Variants in AFF3 observed in about 807,000 individuals in gnomAD.
AFF3 encodes the protein ALF transcription elongation factor 3.
AFF3 carries 32 observed loss-of-function variants against 129.7 expected under a neutral mutation model. The ratio of observed to expected loss-of-function variants is 0.25; its 90% CI spans 0.19 to 0.33. AFF3 has a LOEUF of 0.33. Among genes scored for constraint, AFF3 ranks in the 10% least tolerant of loss-of-function variants. The probability of loss-of-function intolerance (pLI) is 1.00; values close to 1 mark genes in which losing one functional copy is unlikely to be tolerated. For synonymous variants in AFF3, 644 were observed against 635.4 expected, an observed-to-expected ratio of 1.01 and a Z score of -0.20; for missense variants, 1,373 against 1,592.0, an observed-to-expected ratio of 0.86 and a Z score of 2.34.
chr2:99,576,399 C>G (rs1278327609), intron 18 of AFF3, among the ~76,000 whole-genome samples: 1 of 151,470 alleles, frequency 6.6e-6, no homozygotes, highest in Non-Finnish European at 1.5e-5. Context: ...ATCTGTAGAC[C>G]CAGCTACTCA....
chr2:99,722,294 T>C (rs923136649), intron 11 of AFF3, among the ~76,000 whole-genome samples: 1 of 152,204 alleles, frequency 6.6e-6, no homozygotes, highest in Non-Finnish European at 1.5e-5. Flanking sequence ...TTCCCACTCA[T>C]ATGTCTTTTA....
intron 11 of AFF3, 24 bp from the exon 12 acceptor site, chr2:99,672,613 C>A: frequency 1.2e-6 from 2 of 1,610,896 alleles, no homozygotes; most frequent in Non-Finnish European, 1.7e-6. Context: ...CAAAGAGGTA[C>A]AAAGAGGTAC....
In AFF3 at chr2:99,601,548, CGCT is replaced by C. The variant is rs756251519; in HGVS notation, c.1255_1257del (p.Ser419del). ...GAGTCGCTGGAGGAGCTGCTGCTGCCGCTGCTGCTGCTGCTGCTGCTGCCCTTG... is the reference window on the plus strand; with the variant it reads ...GAGTCGCTGGAGGAGCTGCTGCTGCCGCTGCTGCTGCTGCTGCTGCCCTTG... On this transcript the variant is annotated inframe_deletion, in exon 14 of 25. Transcript: ENST00000672756. 2,069 of 1,559,886 alleles carry C rather than the reference CGCT, an allele frequency of 1.3e-3. No individual in the cohort carries two copies. Among genetic ancestry groups the C allele is most frequent in the Admixed American group, 3.1e-3 (172 of 55,980 alleles).
intron 4 of AFF3, among the ~76,000 whole-genome samples, chr2:100,049,413 T>C (rs969181123): frequency 1.3e-5 from 2 of 152,178 alleles, no homozygotes; most frequent in African/African-American, 4.8e-5. Flanking sequence ...CTATTATAGA[T>C]TCAAAATGAG....
At chr2:99,690,188 ATT>A (rs549188753) in intron 11 of AFF3, among the ~76,000 whole-genome samples, 1,637 of 138,874 alleles carry the variant, frequency 0.012, 40 homozygotes, top group African/African-American at 0.041. Context: ...TATTATTATT[ATT>A]ATTATTATTT....
intron 13 of AFF3, among the ~76,000 whole-genome samples, chr2:99,642,629 A>G (rs535101860): frequency 1.8e-4 from 27 of 152,240 alleles, no homozygotes; most frequent in Non-Finnish European, 3.2e-4. Context: ...GCTAGAGATA[A>G]AAAGGTTACC....
chr2:100,064,021 G>A (rs1365515149), intron 4 of AFF3, among the ~76,000 whole-genome samples: 2 of 151,850 alleles, frequency 1.3e-5, no homozygotes, highest in East Asian at 3.9e-4. Flanking sequence ...CCCGGGAGGC[G>A]GAGGTTGCAG....
At chr2:99,978,603 A>C (rs1169929897) in intron 7 of AFF3, among the ~76,000 whole-genome samples, 1 of 152,164 alleles carries the variant, frequency 6.6e-6, no homozygotes, top group Admixed American at 6.5e-5. Context: ...AGAGATGAAC[A>C]ACCACTATAA....
At chr2:100,071,810 G>A (rs1479481863) in intron 4 of AFF3, among the ~76,000 whole-genome samples, 9 of 152,090 alleles carry the variant, frequency 5.9e-5, no homozygotes, top group Admixed American at 6.5e-5. Flanking sequence ...TGAATCAACT[G>A]TCTTTTTCCA....
At chr2:100,020,622 C>T (rs1244987045) in intron 4 of AFF3, among the ~76,000 whole-genome samples, 2 of 152,150 alleles carry the variant, frequency 1.3e-5, no homozygotes, top group South Asian at 4.1e-4. Flanking sequence ...TTGCCTGAGT[C>T]AGAAACCTGG....
intron 4 of AFF3, among the ~76,000 whole-genome samples, chr2:100,044,430 C>T (rs1305337199): frequency 1.3e-5 from 2 of 152,054 alleles, no homozygotes; most frequent in East Asian, 1.9e-4. Context: ...TTTCACAACC[C>T]CCTTCCATCT....
At chr2:99,922,537 A>C (rs923351377) in intron 7 of AFF3, among the ~76,000 whole-genome samples, 1 of 152,182 alleles carries the variant, frequency 6.6e-6, no homozygotes, top group Non-Finnish European at 1.5e-5. Context: ...ACCTATGGTG[A>C]CAGTAACCAC....
At chr2:99,856,251 CTAATA>C (rs1390582043) in intron 7 of AFF3, among the ~76,000 whole-genome samples, 8 of 152,144 alleles carry the variant, frequency 5.3e-5, no homozygotes, top group East Asian at 1.9e-4. Context: ...ATATACAATA[CTAATA>C]TAAGATGTTA....
chr2:99,686,850 G>A (rs1675111671), intron 11 of AFF3, among the ~76,000 whole-genome samples: 1 of 152,176 alleles, frequency 6.6e-6, no homozygotes, highest in Admixed American at 6.5e-5. Flanking sequence ...TCCCTAAAGG[G>A]CCCTCTACAG....
At chr2:99,670,761 G>A (rs1247425346) in intron 12 of AFF3, among the ~76,000 whole-genome samples, 1 of 152,124 alleles carries the variant, frequency 6.6e-6, no homozygotes. Flanking sequence ...ACCACTGTCT[G>A]GAGTCTTAAT....
intron 8 of AFF3, among the ~76,000 whole-genome samples, chr2:99,767,346 AG>A (rs1683104382): frequency 6.6e-6 from 1 of 152,250 alleles, no homozygotes; most frequent in Non-Finnish European, 1.5e-5. Context: ...AAGCATGAGA[AG>A]GGCATGGATT....
chr2:99,741,944 T>G (rs1364232989), intron 10 of AFF3, among the ~76,000 whole-genome samples: 1 of 152,196 alleles, frequency 6.6e-6, no homozygotes, highest in Non-Finnish European at 1.5e-5. Context: ...AGGGAAATGC[T>G]GGTGGGGTCA....
chr2:99,717,931 C>T (rs1678537643), intron 11 of AFF3, among the ~76,000 whole-genome samples: 1 of 152,124 alleles, frequency 6.6e-6, no homozygotes, highest in Non-Finnish European at 1.5e-5. Flanking sequence ...TTGAAAAGAC[C>T]CGGCTTTCCC....
intron 7 of AFF3, among the ~76,000 whole-genome samples, chr2:99,883,030 G>A (rs1692837779): frequency 6.6e-6 from 1 of 152,210 alleles, no homozygotes; most frequent in Non-Finnish European, 1.5e-5. Flanking sequence ...AACAATGATA[G>A]ATGTATTTTA....
Sources: gnomAD v4.1 joint callset for allele counts (sites outside exome capture counted in the v4.1 genomes callset) on GRCh38, gnomAD v4.1.1 for gene constraint, MANE v1.5 for transcripts, NCBI Gene and HGNC (gene_info 2026-07-23, HGNC 2026-07-21) for gene names.